Variants in AKIRIN1 observed in about 807,000 individuals in gnomAD.
The protein encoded by AKIRIN1 is akirin 1.
In AKIRIN1, 4 loss-of-function variants were observed where a neutral mutation model predicts 25.9. The ratio of observed to expected loss-of-function variants is 0.15; its 90% CI spans 0.08 to 0.35. AKIRIN1 has a LOEUF of 0.35. Among genes scored for constraint, AKIRIN1 ranks in the 10% least tolerant of loss-of-function variants. AKIRIN1 has a pLI of 1.00. For missense variants in AKIRIN1, 243 were observed against 266.1 expected (o/e 0.91, Z 0.61); for synonymous variants, 125 against 105.1 (o/e 1.19, Z -1.16).
rs1439512294 is a variant in AKIRIN1 at position 38,991,511 on chromosome 1, A to AGCC, written c.142_144dup (p.Pro48dup). ...CCGGGCCTCAGGCCCCCGGACGCCG[A>AGCC]GCCGCCGCCGCCGTTTCAGACGCAG... On this transcript the variant is annotated inframe_insertion, in exon 1 of 5. Transcript: ENST00000432648. The AGCC allele has an allele frequency of 1.4e-6, 2 of 1,452,636 alleles. No homozygotes were observed. Among genetic ancestry groups the AGCC allele is most frequent in the Non-Finnish European group, 1.8e-6 (2 of 1,107,104 alleles). The allele number at this position is 1,452,636 out of a possible 1,614,324, so 90.0% of individuals were successfully genotyped here.
chr1:39,002,460 G>T (rs1430645693), intron 3 of AKIRIN1, among the ~76,000 whole-genome samples: 2 of 152,220 alleles, frequency 1.3e-5, no homozygotes, highest in African/African-American at 4.8e-5. Flanking sequence ...GCCGGGCGCA[G>T]TGGCTCACGC....
intron 2 of AKIRIN1, among the ~76,000 whole-genome samples, chr1:39,000,629 C>T (rs1643982553): frequency 1.3e-5 from 2 of 151,478 alleles, no homozygotes; most frequent in South Asian, 4.2e-4. Context: ...GGATTACAGG[C>T]ATGGCCACTG....
intron 3 of AKIRIN1, among the ~76,000 whole-genome samples, 172 bp from the exon 4 acceptor site, chr1:39,003,175 C>G (rs1644007756): frequency 6.6e-6 from 1 of 152,144 alleles, no homozygotes; most frequent in African/African-American, 2.4e-5. Context: ...CTAAGAGGAA[C>G]AGATCTCAGT....
At chr1:38,997,629 A>C (rs935868329) in intron 1 of AKIRIN1, among the ~76,000 whole-genome samples, 1 of 151,854 alleles carries the variant, frequency 6.6e-6, no homozygotes, top group Non-Finnish European at 1.5e-5. Flanking sequence ...AGTAGCTGGG[A>C]TTACACCCAG....
chr1:38,998,134 A>G (rs897692353), intron 1 of AKIRIN1, 37 bp from the exon 2 acceptor site: 10 of 1,588,836 alleles, frequency 6.3e-6, no homozygotes, highest in South Asian at 1.1e-5. Context: ...AAATGAGACA[A>G]TAAAGTGAAA....
In AKIRIN1 at chr1:39,001,111, G is replaced by A. The variant is rs781416632; in HGVS notation, c.496+5G>A. ...TCCTCAATACCAAACTAGCAGGTAG[G>A]CCCAGGCAGTGACTGCCATTGTCAT... On this transcript the variant is annotated splice_donor_5th_base_variant and intron_variant, in intron 3 of 4. Transcript: ENST00000432648. The A allele has an allele frequency of 1.2e-6, 2 of 1,605,008 alleles. No homozygotes were observed. Among genetic ancestry groups the A allele is most frequent in the Non-Finnish European group, 1.7e-6 (2 of 1,176,960 alleles).
intron 1 of AKIRIN1, among the ~76,000 whole-genome samples, chr1:38,996,574 G>A (rs9803852): frequency 0.018 from 2,671 of 151,356 alleles, 76 homozygotes; most frequent in African/African-American, 0.061. Flanking sequence ...GTGTTTCCCA[G>A]GCTGGAGTGC....
At chr1:38,995,405 TA>T (rs371501361) in intron 1 of AKIRIN1, among the ~76,000 whole-genome samples, 5 of 152,174 alleles carry the variant, frequency 3.3e-5, no homozygotes, top group African/African-American at 1.2e-4. Context: ...CAACCTCAAG[TA>T]ATGGAGGGAA....
At chr1:38,999,467 A>C (rs11205522) in intron 2 of AKIRIN1, among the ~76,000 whole-genome samples, 39,836 of 152,056 alleles carry the variant, frequency 0.26, 5,322 homozygotes, top group East Asian at 0.3. Context: ...GATTACTTTT[A>C]TGTTACGTGA....
Position 39,004,065 on chromosome 1 carries a change from A to G in AKIRIN1, c.*10A>G. ...TACAGATGTGTCATGAAGCTTTGTCACATATCTGGGTACCAGGTTTGACCT... is the reference window on the plus strand; with the variant it reads ...TACAGATGTGTCATGAAGCTTTGTCGCATATCTGGGTACCAGGTTTGACCT... On this transcript the variant is annotated 3_prime_UTR_variant, in exon 5 of 5. Transcript: ENST00000432648. 6.2e-7 allele frequency: 1 copy of G among 1,611,246 alleles called. No individual in the cohort carries two copies. Among genetic ancestry groups the G allele is most frequent in the Non-Finnish European group, 8.5e-7 (1 of 1,177,468 alleles).
At chr1:38,996,536 A>ATT (rs34122150) in intron 1 of AKIRIN1, among the ~76,000 whole-genome samples, 76 of 144,842 alleles carry the variant, frequency 5.2e-4, no homozygotes, top group African/African-American at 1.0e-3. Flanking sequence ...TTGTTTTTCT[A>ATT]TTTTTTTTTT....
At chr1:38,993,962 C>T (rs997791580) in intron 1 of AKIRIN1, among the ~76,000 whole-genome samples, 10 of 149,532 alleles carry the variant, frequency 6.7e-5, no homozygotes, top group Non-Finnish European at 1.2e-4. Flanking sequence ...CCCAGCTACT[C>T]GGGAGGTTGA....
At chr1:38,998,147 T>C in intron 1 of AKIRIN1, 24 bp from the exon 2 acceptor site, 3 of 1,597,546 alleles carry the variant, frequency 1.9e-6, no homozygotes, top group Non-Finnish European at 2.6e-6. Flanking sequence ...AAGTGAAAGC[T>C]CAAGTTTGTT....
At chr1:38,993,805 T>C (rs990656466) in intron 1 of AKIRIN1, among the ~76,000 whole-genome samples, 2 of 151,990 alleles carry the variant, frequency 1.3e-5, no homozygotes, top group African/African-American at 2.4e-5. Flanking sequence ...GCGCAGTGGC[T>C]CACTCCTATA....
At chr1:38,991,677 G>GGCC in intron 1 of AKIRIN1, 77 bp downstream of exon 1, 1 of 192,414 alleles carries the variant, frequency 5.2e-6, no homozygotes, top group Non-Finnish European at 1.1e-5. Flanking sequence ...GGAGGGTTGG[G>GGCC]AATACCAGGC....
chr1:39,003,476 C>A, intron 4 of AKIRIN1, 58 bp downstream of exon 4: 1 of 1,506,202 alleles, frequency 6.6e-7, no homozygotes, highest in Admixed American at 1.7e-5. Context: ...AATTTCTACA[C>A]TGAAACTTCT....
In AKIRIN1 at chr1:38,998,223, A is replaced by G. The variant is rs1277472357; in HGVS notation, c.273A>G (p.Arg91=). The G allele has an allele frequency of 6.2e-7, 1 of 1,613,730 alleles. No individual in the cohort carries two copies. The highest frequency in any genetic ancestry group is 1.3e-5 in the African/African-American group (1 of 74,916). The change falls in exon 2 of 5, where the codon AGA becomes AGG. Residue 91 remains arginine (R), a synonymous_variant. Transcript: ENST00000432648. ...KQEYSRYQRW[R]HLEVVLNQSE... is the part of the protein sequence containing the mutation. ...AATATAGTCGTTATCAGAGGTGGAG[A>G]CATTTAGAAGTTGTTCTTAATCAGA...
At chr1:38,994,710 A>G (rs6659697) in intron 1 of AKIRIN1, among the ~76,000 whole-genome samples, 33,401 of 77,244 alleles carry the variant, frequency 0.43, 6,573 homozygotes, top group Non-Finnish European at 0.51. Flanking sequence ...TTTTTTTGAG[A>G]TGACGTTTCG....
Position 39,001,283 on chromosome 1 carries a change from C to CTT in AKIRIN1, c.496+196_496+197dup, listed in dbSNP as rs768516800. Among the ~76,000 whole-genome samples the CTT allele has an allele frequency of 6.9e-5, 8 of 116,522 alleles. No individual in the cohort carries two copies. In the East Asian group the frequency reaches 7.3e-4, roughly 11 times the overall value. The allele number at this position is 116,522 out of a possible 152,430, so 76.4% of individuals were successfully genotyped here. A position where few individuals can be genotyped will look rare whatever the true frequency, so the allele number is the denominator to read the frequency against. ...ATCATTTATACATTATATGGAAGGA[C>CTT]TTTTTTTTTTTTTTTTTTTTGGGAC... On this transcript the variant is annotated intron_variant, in intron 3 of 4. Coordinates refer to ENST00000432648, the MANE Select transcript of AKIRIN1 (RefSeq NM_024595.3).
Sources: gnomAD v4.1 joint callset for allele counts (sites outside exome capture counted in the v4.1 genomes callset) on GRCh38, gnomAD v4.1.1 for gene constraint, MANE v1.5 for transcripts, NCBI Gene and HGNC (gene_info 2026-07-23, HGNC 2026-07-21) for gene names.